EDIL3: variants seen among roughly 807,000 people sequenced by gnomAD.
EDIL3 encodes EGF like and discoidin domains 3, also known as EGF-like repeat and discoidin I-like domain-containing protein 3.
EDIL3 carries 37 observed loss-of-function variants against 67.4 expected under a neutral mutation model. The ratio of observed to expected loss-of-function variants is 0.55; its 90% confidence interval spans 0.42 to 0.72. The LOEUF is 0.72. Ranked by LOEUF, EDIL3 falls within the 30% of genes least tolerant of loss-of-function variation. The probability of loss-of-function intolerance (pLI) is 0.00; values close to 1 mark genes in which losing one functional copy is unlikely to be tolerated. For synonymous variants in EDIL3, 195 were observed against 196.3 expected (o/e 0.99, Z 0.05); for missense variants, 527 against 586.3 (o/e 0.90, Z 1.04).
At chr5:83,962,741 T>TA (rs1461002694) in intron 10 of EDIL3, among the ~76,000 whole-genome samples, 1 of 151,608 alleles carries the variant, frequency 6.6e-6, no homozygotes, top group African/African-American at 2.4e-5. Context: ...TCCTACTTGT[T>TA]ACAATAATTA....
chr5:84,023,469 G>C (rs997040703), intron 9 of EDIL3, among the ~76,000 whole-genome samples: 1 of 151,902 alleles, frequency 6.6e-6, no homozygotes, highest in Admixed American at 6.6e-5. Flanking sequence ...AAATTTAGTC[G>C]AAACCCTATA....
Position 83,998,767 on chromosome 5 carries a change from T to C in EDIL3, c.1138-35407A>G, listed in dbSNP as rs116201886. ...TCACCATCTGCTGACTAAAGAGCCC[T>C]TGGTCCTTGAATAAACCTCAGTGGT... On this transcript the variant is annotated intron_variant, in intron 9 of 10. Coordinates refer to ENST00000296591, the MANE Select transcript of EDIL3 (RefSeq NM_005711.5). 7.2e-3 allele frequency among the ~76,000 whole-genome samples: 1,103 copies of C among 152,316 alleles called. 10 individuals carry two copies. The highest frequency in any genetic ancestry group is 0.026 in the African/African-American group (1,061 of 41,580).
At chr5:84,008,009 A>G (rs986496925) in intron 9 of EDIL3, among the ~76,000 whole-genome samples, 2 of 152,188 alleles carry the variant, frequency 1.3e-5, no homozygotes, top group African/African-American at 4.8e-5. Context: ...CATCACGTCA[A>G]ATGAAAGAAG....
Position 84,180,435 on chromosome 5 carries a change from A to G in EDIL3, c.313T>C (p.Cys105Arg). The G allele has an allele frequency of 6.2e-7, 1 of 1,607,498 alleles. No individual in the cohort carries two copies. The highest frequency in any genetic ancestry group is 8.5e-7 in the Non-Finnish European group (1 of 1,177,126). ...CCATTAAATCCTCGGGGACATTTACAAACATAGCCTATGAATGTATCCCCT... is the reference window on the plus strand; with the variant it reads ...CCATTAAATCCTCGGGGACATTTACGAACATAGCCTATGAATGTATCCCCT... ...YRGDTFIGYV[C>R]KCPRGFNGIH... The change falls in exon 4 of 11, where the codon TGT (cysteine) becomes CGT (arginine). Residue 105 changes from cysteine to arginine, a missense_variant. Physicochemically the swap from Cys to Arg is radical, Grantham distance 180 (BLOSUM62 -3). This residue lies in a region of EDIL3 where 494 missense variants were observed against 522.5 expected (regional missense o/e 0.95). Coordinates refer to ENST00000296591, the MANE Select transcript of EDIL3 (RefSeq NM_005711.5).
Position 84,132,184 on chromosome 5 carries a change from G to A in EDIL3, c.469+5057C>T, listed in dbSNP as rs536738773. ...TGGGAGGTGGAGGTTGCAGCCAGCC[G>A]ACATCGCACTACAGCACTCTAGCCA... On this transcript the variant is annotated intron_variant, in intron 5 of 10. Coordinates refer to ENST00000296591, the MANE Select transcript of EDIL3 (RefSeq NM_005711.5). Among the ~76,000 whole-genome samples, 36 of 147,094 alleles carry A rather than the reference G, an allele frequency of 2.4e-4. No homozygotes were observed. The South Asian group carries it at 7.2e-3, about 29-fold the overall frequency.
At position 84,320,548 on chromosome 5, in the gene EDIL3, G is replaced by C. The variant is rs1746615173; in HGVS notation, c.67+63760C>G. On this transcript the variant is annotated intron_variant, in intron 1 of 10. Transcript: ENST00000296591. ...CAGGCCTCATTGATCAAACATGTCA[G>C]TTAGAGACCTGCACACTTAATGAAG... Among the ~76,000 whole-genome samples, 5 of 152,170 alleles carry C rather than the reference G, an allele frequency of 3.3e-5. No individual in the cohort carries two copies. In the South Asian group the frequency reaches 1.0e-3, roughly 32 times the overall value.
At chr5:84,204,866 T>G (rs1220870870) in intron 3 of EDIL3, among the ~76,000 whole-genome samples, 1 of 151,682 alleles carries the variant, frequency 6.6e-6, no homozygotes, top group Non-Finnish European at 1.5e-5. Context: ...TTATAATTTT[T>G]AAATGTAATG....
At chr5:84,243,793 T>C (rs1049364530) in intron 2 of EDIL3, among the ~76,000 whole-genome samples, 2 of 152,142 alleles carry the variant, frequency 1.3e-5, no homozygotes, top group Non-Finnish European at 2.9e-5. Flanking sequence ...TAAATATTGA[T>C]TGTTGTCTAT....
At chr5:84,069,556 G>T (rs1363445992) in intron 6 of EDIL3, among the ~76,000 whole-genome samples, 1 of 151,642 alleles carries the variant, frequency 6.6e-6, no homozygotes, top group Non-Finnish European at 1.5e-5. Context: ...TTAAGTTTTT[G>T]GTTTTTTTTT....
chr5:84,192,234 T>G (rs1361321937), intron 3 of EDIL3, among the ~76,000 whole-genome samples: 2 of 151,762 alleles, frequency 1.3e-5, no homozygotes, highest in African/African-American at 4.9e-5. Context: ...ACTGATCTCC[T>G]GCTCTTACAC....
At chr5:84,377,521 A>C (rs1481171869) in intron 1 of EDIL3, among the ~76,000 whole-genome samples, 1 of 152,174 alleles carries the variant, frequency 6.6e-6, no homozygotes, top group Non-Finnish European at 1.5e-5. Flanking sequence ...AATCCCCAGA[A>C]TCAGTAAAAT....
chr5:84,375,628 T>C (rs1362343615), intron 1 of EDIL3, among the ~76,000 whole-genome samples: 2 of 152,218 alleles, frequency 1.3e-5, no homozygotes, highest in Non-Finnish European at 2.9e-5. Context: ...AGAGAAAGCA[T>C]GCTTCTACAC....
At chr5:83,945,758 T>C (rs1744297831) in intron 10 of EDIL3, among the ~76,000 whole-genome samples, 1 of 152,014 alleles carries the variant, frequency 6.6e-6, no homozygotes, top group African/African-American at 2.4e-5. Flanking sequence ...GATATTTGCA[T>C]GTTCACTTAA....
intron 6 of EDIL3, among the ~76,000 whole-genome samples, chr5:84,079,792 T>C (rs192027838): frequency 6.6e-6 from 1 of 152,126 alleles, no homozygotes; most frequent in African/African-American, 2.4e-5. Context: ...CAGACAAGCA[T>C]GATCACCTAA....
Position 84,103,700 on chromosome 5 carries a change from TA to T in EDIL3, c.651+2948del, listed in dbSNP as rs1747408667. On this transcript the variant is annotated intron_variant, in intron 6 of 10. Coordinates refer to ENST00000296591, the MANE Select transcript of EDIL3 (RefSeq NM_005711.5). ...TTACAACAGTCAGAATGGCTATTAC[TA>T]AAAAGTAAAATAATAATAGATGCTG... Among the ~76,000 whole-genome samples the T allele has an allele frequency of 2.0e-5, 3 of 151,974 alleles. No individual in the cohort carries two copies. The East Asian group carries it at 5.8e-4, about 29-fold the overall frequency.
At chr5:83,993,829 C>T (rs989135932) in intron 9 of EDIL3, among the ~76,000 whole-genome samples, 1 of 152,164 alleles carries the variant, frequency 6.6e-6, no homozygotes, top group Non-Finnish European at 1.5e-5. Context: ...GTTGAGTCTT[C>T]CTCTCTGCCC....
chr5:84,305,012 G>A (rs931586207), intron 1 of EDIL3, among the ~76,000 whole-genome samples: 1 of 152,166 alleles, frequency 6.6e-6, no homozygotes, highest in Non-Finnish European at 1.5e-5. Context: ...GTAAATGTGA[G>A]GCTCTTGAGA....
In EDIL3 at chr5:84,064,687, A is replaced by G. The variant is rs112088889; in HGVS notation, c.952+13T>C. ...TTTAAATAGAATACAGAAATAGTTAATTTGAGACTTACCCGACAGTTCACA... is the reference window on the plus strand; with the variant it reads ...TTTAAATAGAATACAGAAATAGTTAGTTTGAGACTTACCCGACAGTTCACA... On this transcript the variant is annotated intron_variant, in intron 8 of 10. Coordinates refer to ENST00000296591, the MANE Select transcript of EDIL3 (RefSeq NM_005711.5). 1.0e-3 allele frequency: 1,606 copies of G among 1,608,300 alleles called. 8 individuals carry two copies. In the African/African-American group the frequency reaches 0.015, roughly 15 times the overall value.
intron 1 of EDIL3, among the ~76,000 whole-genome samples, chr5:84,342,503 G>C (rs12153072): frequency 0.45 from 67,731 of 151,682 alleles, 15,291 homozygotes; most frequent in Middle Eastern, 0.5. Flanking sequence ...TCTGAAAGCC[G>C]TGACTTCACC....
Sources: gnomAD v4.1 joint callset for allele counts (sites outside exome capture counted in the v4.1 genomes callset) on GRCh38, gnomAD v4.1.1 for gene constraint, gnomAD v4.1.1 regional missense constraint, MANE v1.5 for transcripts, NCBI Gene and HGNC (gene_info 2026-07-23, HGNC 2026-07-21) for gene names.